The following MEGF11 variants were observed in gnomAD, a reference collection of about 807,000 sequenced individuals.
MEGF11 encodes the protein multiple epidermal growth factor-like domains protein 11.
In MEGF11, 126 loss-of-function variants were observed where a neutral mutation model predicts 146.6. That is an observed-to-expected ratio of 0.86 (90% CI 0.74 to 1.00). The LOEUF (loss-of-function observed/expected upper bound fraction) is 1.00, where lower values mean the gene tolerates loss of function less well. Among genes scored for constraint, MEGF11 ranks in the 50% least tolerant of loss-of-function variants. MEGF11 has a pLI of 0.00. For synonymous variants in MEGF11, 532 were observed against 583.4 expected, an observed-to-expected ratio of 0.91 and a Z score of 1.27; for missense variants, 1,509 against 1,521.2, an observed-to-expected ratio of 0.99 and a Z score of 0.13.
At chr15:66,091,287 G>C (rs567413881) in intron 5 of MEGF11, among the ~76,000 whole-genome samples, 1 of 152,298 alleles carries the variant, frequency 6.6e-6, no homozygotes, top group East Asian at 1.9e-4. Flanking sequence ...AATTACTTGA[G>C]GAAAGCTGGT....
chr15:65,953,023 G>T (rs937045369), intron 10 of MEGF11, among the ~76,000 whole-genome samples: 2 of 152,158 alleles, frequency 1.3e-5, no homozygotes, highest in African/African-American at 4.8e-5. Context: ...CAGGTGCTTG[G>T]GTGGACCTGC....
At chr15:66,112,725 T>TG (rs1387570762) in intron 4 of MEGF11, among the ~76,000 whole-genome samples, 2 of 150,576 alleles carry the variant, frequency 1.3e-5, no homozygotes, top group Non-Finnish European at 3.0e-5. Flanking sequence ...GGGCAGGCAG[T>TG]GCAAGACAAA....
At chr15:65,953,225 C>G (rs777826173) in intron 10 of MEGF11, among the ~76,000 whole-genome samples, 1 of 152,228 alleles carries the variant, frequency 6.6e-6, no homozygotes, top group Admixed American at 6.5e-5. Flanking sequence ...CTTTGAACTT[C>G]TCATATAATG....
intron 10 of MEGF11, among the ~76,000 whole-genome samples, chr15:65,957,028 C>T (rs1246110932): frequency 2.6e-5 from 4 of 152,088 alleles, no homozygotes; most frequent in Admixed American, 1.3e-4. Context: ...TTCAAGGGTG[C>T]GGTGAGGGAA....
At chr15:66,199,502 G>A (rs4776288) in intron 1 of MEGF11, among the ~76,000 whole-genome samples, 24,823 of 152,124 alleles carry the variant, frequency 0.16, 2,560 homozygotes, top group East Asian at 0.45. Flanking sequence ...CCAGGACCCT[G>A]CTCCCCAAGC....
At chr15:65,969,565 T>C (rs1343238679) in intron 8 of MEGF11, among the ~76,000 whole-genome samples, 1 of 152,192 alleles carries the variant, frequency 6.6e-6, no homozygotes, top group African/African-American at 2.4e-5. Flanking sequence ...ACAATCTCTT[T>C]TCTGGACATC....
At position 66,164,057 on chromosome 15, in the gene MEGF11, G is replaced by A. The variant is rs370654622; in HGVS notation, c.-8-35646C>T. On this transcript the variant is annotated intron_variant, in intron 1 of 25. Coordinates refer to ENST00000395614, the MANE Select transcript of MEGF11 (RefSeq NM_001385028.1). ...GGTGTTGAGTGGGCAGATGAGAGAA[G>A]GTTGTCTACCTGGGGGCAGGGTTGT... 1.4e-4 allele frequency among the ~76,000 whole-genome samples: 21 copies of A among 152,298 alleles called. No individual in the cohort carries two copies. In the East Asian group the frequency reaches 2.3e-3, roughly 17 times the overall value.
chr15:66,177,049 G>A (rs1248387267), intron 1 of MEGF11, among the ~76,000 whole-genome samples: 1 of 152,202 alleles, frequency 6.6e-6, no homozygotes, highest in Non-Finnish European at 1.5e-5. Context: ...GGGCGTAGAG[G>A]AGAAAGAGTC....
chr15:65,916,731 A>G (rs1443805336), intron 17 of MEGF11, 97 bp downstream of exon 17: 7 of 1,547,320 alleles, frequency 4.5e-6, no homozygotes, highest in Non-Finnish European at 5.2e-6. Context: ...GGCTGCCTGC[A>G]TTCCTCCCTC....
At chr15:65,929,111 C>G (rs1369382036) in intron 12 of MEGF11, among the ~76,000 whole-genome samples, 1 of 152,130 alleles carries the variant, frequency 6.6e-6, no homozygotes, top group African/African-American at 2.4e-5. Context: ...CTCAAGGTAA[C>G]AAAGGATGTG....
intron 1 of MEGF11, among the ~76,000 whole-genome samples, chr15:66,225,681 C>A (rs2140179392): frequency 1.3e-5 from 2 of 152,228 alleles, no homozygotes; most frequent in Non-Finnish European, 2.9e-5. Context: ...CATACATATA[C>A]AATCATAGAC....
At chr15:65,998,893 C>T (rs2082277580) in intron 5 of MEGF11, among the ~76,000 whole-genome samples, 1 of 152,192 alleles carries the variant, frequency 6.6e-6, no homozygotes, top group Non-Finnish European at 1.5e-5. Context: ...GCTGCTGGAA[C>T]ATCCTGGGAG....
In MEGF11 at chr15:65,926,489, G is replaced by A. The variant is rs150899951; in HGVS notation, c.1675+1936C>T. Among the ~76,000 whole-genome samples, 357 of 152,344 alleles carry A rather than the reference G, an allele frequency of 2.3e-3. 5 individuals carry two copies. Among genetic ancestry groups the A allele is most frequent in the East Asian group, 0.014 (75 of 5,186 alleles). On this transcript the variant is annotated intron_variant, in intron 13 of 25. Coordinates refer to ENST00000395614, the MANE Select transcript of MEGF11 (RefSeq NM_001385028.1). ...AAGCCTATGGCTTATGAGGGTTAAG[G>A]GGAGACACATGCACAGCTCAGGGCA...
intron 1 of MEGF11, among the ~76,000 whole-genome samples, chr15:66,170,542 C>T (rs1318917031): frequency 1.3e-5 from 2 of 152,330 alleles, no homozygotes; most frequent in Non-Finnish European, 1.5e-5. Context: ...CCTCTCTGGG[C>T]TTCAGCGTCC....
intron 1 of MEGF11, among the ~76,000 whole-genome samples, chr15:66,130,650 GAAAT>G (rs1031734158): frequency 9.8e-5 from 5 of 51,100 alleles, no homozygotes; most frequent in South Asian, 6.4e-4. Context: ...AAAAAGGAAA[GAAAT>G]AAAGAGAAAG....
intron 10 of MEGF11, among the ~76,000 whole-genome samples, chr15:65,955,816 T>A (rs1207826005): frequency 6.5e-4 from 1 of 1,544 alleles, no homozygotes; most frequent in Non-Finnish European, 0.011. Flanking sequence ...ACACACACAA[T>A]ACTTTAAATA....
intron 1 of MEGF11, among the ~76,000 whole-genome samples, chr15:66,230,655 C>T (rs12900376): frequency 0.28 from 42,879 of 152,076 alleles, 6,509 homozygotes; most frequent in Non-Finnish European, 0.36. Context: ...TCTTCAAAAC[C>T]ATTCTTATAA....
At chr15:66,182,941 G>A (rs898180025) in intron 1 of MEGF11, among the ~76,000 whole-genome samples, 2 of 152,120 alleles carry the variant, frequency 1.3e-5, no homozygotes, top group African/African-American at 4.8e-5. Context: ...AGCAGGCAGT[G>A]GAAACACACT....
chr15:65,915,405 A>C (rs2078959205), intron 19 of MEGF11, 65 bp downstream of exon 19: 1 of 1,566,882 alleles, frequency 6.4e-7, no homozygotes, highest in Non-Finnish European at 8.7e-7. Context: ...TTCGAGTTGG[A>C]ATCTCCCTAG....
Sources: allele counts gnomAD v4.1 joint callset (sites outside exome capture counted in the v4.1 genomes callset), GRCh38; gene constraint gnomAD v4.1.1; transcripts MANE v1.5; gene names NCBI Gene and HGNC (gene_info 2026-07-23, HGNC 2026-07-21).